Variants in FAT3 observed in about 807,000 individuals in gnomAD.
FAT3 encodes FAT atypical cadherin 3, also known as protocadherin Fat 3.
In FAT3, 95 loss-of-function variants were observed where a neutral mutation model predicts 310.2. That is an observed-to-expected ratio of 0.31 (90% CI 0.26 to 0.36). The LOEUF (loss-of-function observed/expected upper bound fraction) is 0.36. FAT3 is among the 10% of genes least tolerant of loss of function. FAT3 has a pLI of 1.00. For synonymous variants in FAT3, 2,314 were observed against 2,192.9 expected (o/e 1.06, Z -1.54); for missense variants, 5,408 against 5,715.6 (o/e 0.95, Z 1.74).
chr11:92,799,999 A>T lies in FAT3; in HGVS notation c.6986A>T (p.Asp2329Val). ...ATGGTACATTATCAGATTGTCCAGGATACCTACAATAGCACAGATTATTTT... is the reference window on the plus strand; with the variant it reads ...ATGGTACATTATCAGATTGTCCAGGTTACCTACAATAGCACAGATTATTTT... Reference protein sequence around the residue: ...NKMVHYQIVQDTYNSTDYFHI... With the variant: ...NKMVHYQIVQVTYNSTDYFHI... The change falls in exon 10 of 28, where the codon GAT (aspartate) becomes GTT (valine). Residue 2329 changes from aspartate to valine, a missense_variant. Asp to Val is a radical substitution (Grantham distance 152, BLOSUM62 -3). This residue lies in a region of FAT3 where 4,588 missense variants were observed against 4,809.8 expected (regional missense o/e 0.95). Coordinates refer to ENST00000525166, the MANE Select transcript of FAT3 (RefSeq NM_001367949.2). 6.2e-7 allele frequency: 1 copy of T among 1,613,904 alleles called. No individual in the cohort carries two copies. The highest frequency in any genetic ancestry group is 8.5e-7 in the Non-Finnish European group (1 of 1,179,858).
intron 22 of FAT3, among the ~76,000 whole-genome samples, chr11:92,872,340 C>A (rs866367333): frequency 1.3e-5 from 2 of 152,232 alleles, no homozygotes; most frequent in South Asian, 4.1e-4. Context: ...TGTGGCCTCC[C>A]TCTCCTCACA....
At chr11:92,443,129 G>C (rs906028759) in intron 2 of FAT3, among the ~76,000 whole-genome samples, 1 of 152,268 alleles carries the variant, frequency 6.6e-6, no homozygotes, top group Non-Finnish European at 1.5e-5. Context: ...ACTTTTGCAT[G>C]AGTTTGTGTT....
intron 25 of FAT3, among the ~76,000 whole-genome samples, chr11:92,888,841 T>G (rs1443303586): frequency 7.2e-5 from 11 of 152,192 alleles, no homozygotes; most frequent in Non-Finnish European, 1.5e-4. Context: ...TTGGGAGTTG[T>G]TAACGATAAA....
At chr11:92,595,791 A>G (rs1438391898) in intron 3 of FAT3, among the ~76,000 whole-genome samples, 1 of 152,166 alleles carries the variant, frequency 6.6e-6, no homozygotes, top group Non-Finnish European at 1.5e-5. Flanking sequence ...CACAACTGAC[A>G]CCTGATAGGC....
Position 92,892,503 on chromosome 11 carries a change from C to T in FAT3, c.*1390C>T, listed in dbSNP as rs1949936110. On this transcript the variant is annotated 3_prime_UTR_variant, in exon 28 of 28. Coordinates refer to ENST00000525166, the MANE Select transcript of FAT3 (RefSeq NM_001367949.2). ...CTCAGCTCACTGCAATCTCCACCTCCTGGGTTCAAGCGATTCTCCTGCCTC... is the reference window on the plus strand; with the variant it reads ...CTCAGCTCACTGCAATCTCCACCTCTTGGGTTCAAGCGATTCTCCTGCCTC... 1 of 152,080 alleles carries T rather than the reference C, an allele frequency of 6.6e-6. No homozygotes were observed. The allele number at this position is 152,080 out of a possible 1,614,324, so 9.4% of individuals were successfully genotyped here.
intron 13 of FAT3, among the ~76,000 whole-genome samples, chr11:92,813,169 G>A (rs906182522): frequency 2.6e-5 from 4 of 152,094 alleles, no homozygotes; most frequent in Non-Finnish European, 5.9e-5. Flanking sequence ...CCAGTCTCCG[G>A]TATATCTTTA....
intron 3 of FAT3, among the ~76,000 whole-genome samples, chr11:92,562,352 T>C (rs1158055215): frequency 1.3e-5 from 2 of 152,182 alleles, no homozygotes; most frequent in African/African-American, 4.8e-5. Flanking sequence ...TTCTCACGTA[T>C]TTTCCCTTGC....
chr11:92,645,516 C>T (rs577179630), intron 3 of FAT3, among the ~76,000 whole-genome samples: 2,677 of 148,614 alleles, frequency 0.018, 34 homozygotes, highest in Non-Finnish European at 0.031. Flanking sequence ...AGGTAAACAT[C>T]TTTTCATTAT....
At position 92,362,669 on chromosome 11, in the gene FAT3, G is replaced by A. The variant is rs746903569; in HGVS notation, c.3292+7265G>A. Among the ~76,000 whole-genome samples, 10 of 152,104 alleles carry A rather than the reference G, an allele frequency of 6.6e-5. 1 individual carries two copies. Among genetic ancestry groups the A allele is most frequent in the Non-Finnish European group, 1.0e-4 (7 of 68,028 alleles). ...TTCTTTAAACTCTGCCCACTCCTTT[G>A]TAAATAGTCTATTTATTAAATGTTC... On this transcript the variant is annotated intron_variant, in intron 2 of 27. Transcript: ENST00000525166.
chr11:92,688,706 G>A (rs1261619741), intron 3 of FAT3, among the ~76,000 whole-genome samples: 4 of 152,100 alleles, frequency 2.6e-5, no homozygotes, highest in Non-Finnish European at 4.4e-5. Context: ...TAGGTCTGGG[G>A]GGAGCCTACA....
At chr11:92,376,680 C>T (rs1949355761) in intron 2 of FAT3, among the ~76,000 whole-genome samples, 1 of 152,178 alleles carries the variant, frequency 6.6e-6, no homozygotes, top group African/African-American at 2.4e-5. Context: ...GTTACTGCCC[C>T]TCTCAAATGG....
chr11:92,772,674 C>T (rs796927442), intron 6 of FAT3, among the ~76,000 whole-genome samples: 5 of 151,950 alleles, frequency 3.3e-5, no homozygotes, highest in African/African-American at 7.2e-5. Flanking sequence ...CTCGTATCTC[C>T]GTAACTTTAA....
intron 1 of FAT3, among the ~76,000 whole-genome samples, chr11:92,277,798 A>G (rs1377564371): frequency 6.6e-6 from 1 of 152,038 alleles, no homozygotes; most frequent in Non-Finnish European, 1.5e-5. Context: ...CAAACTCAGA[A>G]TCACACCATA....
intron 7 of FAT3, among the ~76,000 whole-genome samples, chr11:92,787,049 G>A (rs1330498157): frequency 2.0e-5 from 3 of 152,214 alleles, no homozygotes; most frequent in Middle Eastern, 3.4e-3. Context: ...TCCCTGGCCT[G>A]TACTACTGGA....
chr11:92,837,909 A>G (rs942304228), intron 17 of FAT3, 103 bp downstream of exon 17: 29 of 1,393,232 alleles, frequency 2.1e-5, no homozygotes, highest in Admixed American at 9.0e-5. Flanking sequence ...ACTTAATGTC[A>G]TCTCATCCCT....
intron 3 of FAT3, among the ~76,000 whole-genome samples, chr11:92,529,194 AAAAAC>A (rs1302608260): frequency 2.0e-5 from 3 of 152,234 alleles, no homozygotes; most frequent in African/African-American, 7.2e-5. Flanking sequence ...TATTTAAAAC[AAAAAC>A]AAAACAAAAC....
intron 1 of FAT3, among the ~76,000 whole-genome samples, chr11:92,339,576 A>T (rs11603583): frequency 0.11 from 16,271 of 152,202 alleles, 926 homozygotes; most frequent in South Asian, 0.16. Flanking sequence ...TGCAAATGAA[A>T]TGTTCTGTGT....
In FAT3 at chr11:92,810,059, C is replaced by T; in HGVS notation, c.9464C>T (p.Ala3155Val). The change falls in exon 13 of 28, where the codon GCC becomes GTC. Residue 3155 changes from alanine (A) to valine (V), a missense_variant. Physicochemically the swap from Ala to Val is moderately conservative, Grantham distance 64. This residue lies in a region of FAT3 where 4,588 missense variants were observed against 4,809.8 expected (regional missense o/e 0.95). Coordinates refer to ENST00000525166, the MANE Select transcript of FAT3 (RefSeq NM_001367949.2). ...AAGGCTCTGTTGACCAGAGTTCAAGCCGTGGACCCCGACATTGGTAAGTCA... is the reference window on the plus strand; with the variant it reads ...AAGGCTCTGTTGACCAGAGTTCAAGTCGTGGACCCCGACATTGGTAAGTCA... The part of the protein sequence containing the change: ...ATKALLTRVQ[A>V]VDPDIGINRK... 1 of 1,613,772 alleles carries T rather than the reference C, an allele frequency of 6.2e-7. No individual in the cohort carries two copies. Among genetic ancestry groups the T allele is most frequent in the Non-Finnish European group, 8.5e-7 (1 of 1,179,808 alleles).
rs748466175 is a variant in FAT3 at position 92,883,954 on chromosome 11, T to C, written c.12937+561T>C. On this transcript the variant is annotated intron_variant, in intron 24 of 27. Coordinates refer to ENST00000525166, the MANE Select transcript of FAT3 (RefSeq NM_001367949.2). This position sits in a 1 kb window ranked among gnomAD's most constrained non-coding sequence, Gnocchi z 4.2. ...CTGGGGAAAGGAGGATATTCCACCG[T>C]AGGGGGACCCATGTGATCAGAAGAA... Among the ~76,000 whole-genome samples, 6 of 152,146 alleles carry C rather than the reference T, an allele frequency of 3.9e-5. No homozygotes were observed. The East Asian group carries it at 5.8e-4, about 15-fold the overall frequency.
Sources: gnomAD v4.1 joint callset for allele counts (sites outside exome capture counted in the v4.1 genomes callset) on GRCh38, gnomAD v4.1.1 for gene constraint, gnomAD v4.1.1 regional missense constraint, Gnocchi (gnomAD v3.1) non-coding constraint, MANE v1.5 for transcripts, NCBI Gene and HGNC (gene_info 2026-07-23, HGNC 2026-07-21) for gene names.